CAMK2B: variants seen among roughly 807,000 people sequenced by gnomAD.
CAMK2B encodes the protein calcium/calmodulin-dependent protein kinase type II subunit beta.
Under a neutral mutation model 93.7 loss-of-function variants are expected in CAMK2B, and 27 were observed. The observed-to-expected ratio is 0.29, with a 90% confidence interval of 0.21 to 0.40. CAMK2B has a LOEUF of 0.40. Ranked by LOEUF, CAMK2B falls within the 10% of genes least tolerant of loss-of-function variation. CAMK2B has a pLI of 1.00. For synonymous variants in CAMK2B, 374 were observed against 358.8 expected, an observed-to-expected ratio of 1.04 and a Z score of -0.48; for missense variants, 568 against 895.8, an observed-to-expected ratio of 0.63 and a Z score of 4.67.
At chr7:44,263,901 C>T (rs1040914033) in intron 2 of CAMK2B, 18 of 154,772 alleles carry the variant, frequency 1.2e-4, no homozygotes, top group African/African-American at 3.4e-4. Context: ...CACCCACATC[C>T]GAATAGTGTG....
chr7:44,255,017 C>T (rs1436399977), intron 4 of CAMK2B, among the ~76,000 whole-genome samples: 2 of 151,942 alleles, frequency 1.3e-5, no homozygotes, highest in African/African-American at 4.8e-5. Context: ...ACACCCAGGC[C>T]TTGTGACTCA....
intron 20 of CAMK2B, among the ~76,000 whole-genome samples, chr7:44,222,366 CTT>C (rs775641768): frequency 3.9e-5 from 6 of 152,290 alleles, no homozygotes; most frequent in African/African-American, 4.8e-5. Context: ...CGTTTCCACT[CTT>C]TGCTGTGAGT....
intron 1 of CAMK2B, among the ~76,000 whole-genome samples, chr7:44,284,806 C>A (rs1337810294): frequency 6.6e-6 from 1 of 152,146 alleles, no homozygotes; most frequent in Non-Finnish European, 1.5e-5. Flanking sequence ...CATCCTTAAA[C>A]TGAAAAGCTG....
intron 1 of CAMK2B, among the ~76,000 whole-genome samples, chr7:44,305,723 CA>C (rs968952101): frequency 7.9e-5 from 12 of 152,198 alleles, no homozygotes; most frequent in African/African-American, 2.4e-4. Flanking sequence ...AGGACCAAGA[CA>C]GGGGCGAGAG....
chr7:44,312,829 GCAGAGGA>G lies in CAMK2B; in HGVS notation c.65+12521_65+12527del, dbSNP rs1793906388. Among the ~76,000 whole-genome samples the G allele has an allele frequency of 6.6e-6, 1 of 152,172 alleles. No homozygotes were observed. The highest frequency in any genetic ancestry group is 1.5e-5 in the Non-Finnish European group (1 of 68,036). ...ATAAAATGAACCTGGCCTCAGGCAT[GCAGAGGA>G]GTTGTGAAAAGCATCAAAATCACTG... On this transcript the variant is annotated intron_variant, in intron 1 of 23. Coordinates refer to ENST00000395749, the MANE Select transcript of CAMK2B (RefSeq NM_001220.5). The surrounding 1 kb of genome is among the most constrained non-coding windows in gnomAD (Gnocchi z 4.1).
intron 8 of CAMK2B, among the ~76,000 whole-genome samples, 172 bp from the exon 9 acceptor site, chr7:44,242,826 G>A (rs559899364): frequency 2.7e-4 from 41 of 152,216 alleles, no homozygotes; most frequent in Admixed American, 9.8e-4. Context: ...GGGCACAGCC[G>A]GCCCCCTGAC....
intron 1 of CAMK2B, among the ~76,000 whole-genome samples, chr7:44,321,495 C>A (rs1185936052): frequency 1.3e-5 from 2 of 152,144 alleles, no homozygotes; most frequent in African/African-American, 4.8e-5. Flanking sequence ...GGGCAAGTTG[C>A]CAATCTTTCC....
chr7:44,284,015 T>C, intron 2 of CAMK2B, 116 bp downstream of exon 2: 1 of 694,140 alleles, frequency 1.4e-6, no homozygotes, highest in Admixed American at 2.6e-5. Flanking sequence ...ACAGGCAGGG[T>C]GGGCCAAGTG....
rs545011488 is a variant in CAMK2B at position 44,222,396 on chromosome 7, C to T, written c.1598-1495G>A. ...CTGTGAGTGCTGCCTCCAACGGCCA[C>T]ATACATGCAACCTGTCTGTGGTCTA... On this transcript the variant is annotated intron_variant, in intron 20 of 23. Transcript: ENST00000395749. Among the ~76,000 whole-genome samples the T allele has an allele frequency of 3.3e-5, 5 of 152,192 alleles. No homozygotes were observed. The South Asian group carries it at 1.0e-3, about 32-fold the overall frequency.
At chr7:44,293,197 G>A (rs531112248) in intron 1 of CAMK2B, among the ~76,000 whole-genome samples, 1 of 152,304 alleles carries the variant, frequency 6.6e-6, no homozygotes, top group South Asian at 2.1e-4. Flanking sequence ...CCCAGTCACC[G>A]TTCTGCTAAA....
intron 2 of CAMK2B, among the ~76,000 whole-genome samples, chr7:44,270,685 G>A (rs140039131): frequency 9.2e-5 from 14 of 152,308 alleles, no homozygotes; most frequent in African/African-American, 2.6e-4. Context: ...GTCAAGTAGC[G>A]CTGTTCCTGT....
At chr7:44,242,886 C>T (rs1284858666) in intron 8 of CAMK2B, among the ~76,000 whole-genome samples, 1 of 152,212 alleles carries the variant, frequency 6.6e-6, no homozygotes, top group Non-Finnish European at 1.5e-5. Flanking sequence ...TGTCAAGCCC[C>T]TCTGCTGCTC....
At position 44,240,591 on chromosome 7, in the gene CAMK2B, C is replaced by G. The variant is rs1028948481; in HGVS notation, c.946+116G>C. ...GGGTCTCAGAGCTGAGGGCAGACGC[C>G]GAGGGCAGGCCTGCCGCAGAGGAGG... On this transcript the variant is annotated intron_variant, in intron 12 of 23. Coordinates refer to ENST00000395749, the MANE Select transcript of CAMK2B (RefSeq NM_001220.5). 24 of 1,209,902 alleles carry G rather than the reference C, an allele frequency of 2.0e-5. No individual in the cohort carries two copies. In the South Asian group the frequency reaches 2.8e-4, roughly 14 times the overall value. The allele number at this position is 1,209,902 out of a possible 1,614,324, so 74.9% of individuals were successfully genotyped here.
At chr7:44,220,566 C>A (rs2096387571) in intron 22 of CAMK2B, 50 bp downstream of exon 22, 3 of 1,491,776 alleles carry the variant, frequency 2.0e-6, no homozygotes, top group South Asian at 2.4e-5. Context: ...GGCCGAGAGG[C>A]TCTCCTGGGG....
At chr7:44,315,368 A>G (rs978779712) in intron 1 of CAMK2B, among the ~76,000 whole-genome samples, 97 of 152,302 alleles carry the variant, frequency 6.4e-4, no homozygotes, top group African/African-American at 2.3e-3. Flanking sequence ...CACCCTTGTA[A>G]AAAATCAACT....
intron 5 of CAMK2B, among the ~76,000 whole-genome samples, chr7:44,251,842 C>T (rs1287253887): frequency 6.6e-6 from 1 of 152,168 alleles, no homozygotes; most frequent in Non-Finnish European, 1.5e-5. Flanking sequence ...GCAAAGGTTT[C>T]TGGAACCTGA....
chr7:44,254,453 G>A (rs111624302), intron 5 of CAMK2B, 89 bp downstream of exon 5: 18,435 of 943,172 alleles, frequency 0.02, 254 homozygotes, highest in African/African-American at 0.043. Context: ...ACCAGACGTG[G>A]GTTAGAAAGA....
chr7:44,226,678 C>T, intron 19 of CAMK2B, 34 bp from the exon 20 acceptor site: 3 of 1,508,168 alleles, frequency 2.0e-6, no homozygotes, highest in South Asian at 1.3e-5. Flanking sequence ...GAACACAAGG[C>T]AGGCACGGGG....
intron 1 of CAMK2B, among the ~76,000 whole-genome samples, chr7:44,285,536 G>A (rs999484057): frequency 6.6e-5 from 10 of 152,336 alleles, no homozygotes; most frequent in African/African-American, 1.9e-4. Context: ...AGGGCTCTGC[G>A]TGGTGGAAGA....
Sources: allele counts gnomAD v4.1 joint callset (sites outside exome capture counted in the v4.1 genomes callset), GRCh38; gene constraint gnomAD v4.1.1; non-coding constraint Gnocchi (gnomAD v3.1); transcripts MANE v1.5; gene names NCBI Gene and HGNC (gene_info 2026-07-23, HGNC 2026-07-21).